The following SAMD5 variants were observed in gnomAD, a reference collection of about 807,000 sequenced individuals.
SAMD5 encodes the protein sterile alpha motif domain-containing protein 5.
In SAMD5, 13 loss-of-function variants were observed where a neutral mutation model predicts 11.3. That is an observed-to-expected ratio of 1.15 (90% CI 0.75 to 1.83). The LOEUF (loss-of-function observed/expected upper bound fraction) is 1.83, where lower values mean the gene tolerates loss of function less well. Among genes scored for constraint, SAMD5 ranks in the 40% most tolerant of loss-of-function variants. The probability of loss-of-function intolerance (pLI) is 0.00; values close to 1 mark genes in which losing one functional copy is unlikely to be tolerated. For synonymous variants in SAMD5, 129 were observed against 111.3 expected (o/e 1.16, Z -1.00); for missense variants, 255 against 239.1 (o/e 1.07, Z -0.44).
At chr6:147,514,502 T>C (rs1180487885) in intron 1 of SAMD5, among the ~76,000 whole-genome samples, 2 of 151,526 alleles carry the variant, frequency 1.3e-5, no homozygotes, top group South Asian at 4.2e-4. Context: ...AGTATGCACA[T>C]TAAGAAGGTA....
chr6:147,730,212 A>AAG, intron 1 of SAMD5: 1 of 390,456 alleles, frequency 2.6e-6, no homozygotes, highest in Non-Finnish European at 5.0e-6. Context: ...CTCTTGTTGA[A>AAG]ATTGGAAGAC....
chr6:147,775,886 C>T, the SAMD5 span, among the ~76,000 whole-genome samples: 6 of 152,046 alleles, frequency 3.9e-5, no homozygotes, highest in African/African-American at 1.2e-4. Context: ...AAAGGGATGG[C>T]GATAATGATA....
intron 1 of SAMD5, among the ~76,000 whole-genome samples, chr6:147,517,276 C>A (rs1433237746): frequency 6.6e-6 from 1 of 152,168 alleles, no homozygotes; most frequent in Non-Finnish European, 1.5e-5. Flanking sequence ...TGCTGGCCTT[C>A]CAGTTGAAAG....
Position 147,566,686 on chromosome 6 carries a change from A to C in SAMD5, c.*2230A>C, listed in dbSNP as rs1161589959. 1 of 984,570 alleles carries C rather than the reference A, an allele frequency of 1.0e-6. No individual in the cohort carries two copies. The highest frequency in any genetic ancestry group is 1.7e-5 in the African/African-American group (1 of 57,208). The allele number at this position is 984,570 out of a possible 1,614,324, so 61.0% of individuals were successfully genotyped here. Reference sequence around the variant, plus strand: ...ATTTGAAAATAACAATGCTCTGCTTAAAGTAAGAGTCACAGTCAGCAAAAA... The same window carrying C: ...ATTTGAAAATAACAATGCTCTGCTTCAAGTAAGAGTCACAGTCAGCAAAAA... On this transcript the variant is annotated 3_prime_UTR_variant, in exon 2 of 2. Transcript: ENST00000367474.
chr6:147,793,010 T>G, the SAMD5 span, among the ~76,000 whole-genome samples: 13 of 152,272 alleles, frequency 8.5e-5, no homozygotes, highest in African/African-American at 3.1e-4. Context: ...ACCCTCAAAA[T>G]AGAGCATATA....
chr6:147,712,768 A>T (rs1028467556), intron 1 of SAMD5, among the ~76,000 whole-genome samples: 5 of 151,810 alleles, frequency 3.3e-5, no homozygotes, highest in Admixed American at 3.3e-4. Flanking sequence ...CTTACCAGAC[A>T]CCAAATCTGC....
intron 1 of SAMD5, among the ~76,000 whole-genome samples, chr6:147,728,577 C>T (rs772155752): frequency 3.3e-4 from 50 of 152,100 alleles, no homozygotes; most frequent in Non-Finnish European, 6.3e-4. Context: ...AACATAGAAC[C>T]GCGGGCTGAG....
At chr6:147,667,203 C>T (rs558495597) in intron 1 of SAMD5, among the ~76,000 whole-genome samples, 10 of 152,162 alleles carry the variant, frequency 6.6e-5, no homozygotes, top group Non-Finnish European at 1.2e-4. Context: ...TGTTATTCAT[C>T]TCTTGTTTTC....
At chr6:147,697,969 G>A (rs929884048) in intron 1 of SAMD5, among the ~76,000 whole-genome samples, 1 of 152,156 alleles carries the variant, frequency 6.6e-6, no homozygotes, top group African/African-American at 2.4e-5. Context: ...GAGTCCTGGG[G>A]TGGGAGATGG....
intron 1 of SAMD5, among the ~76,000 whole-genome samples, chr6:147,735,689 T>G (rs570709514): frequency 6.6e-6 from 1 of 152,302 alleles, no homozygotes; most frequent in South Asian, 2.1e-4. Context: ...TTCTTTTCCA[T>G]TCAAGGAGGG....
the SAMD5 span, among the ~76,000 whole-genome samples, chr6:147,846,278 G>A: frequency 2.6e-5 from 4 of 152,198 alleles, no homozygotes; most frequent in South Asian, 2.1e-4. Context: ...AACTGAAGGA[G>A]TGGTGCTGTG....
chr6:147,587,761 G>A (rs1412701856), intron 1 of SAMD5, among the ~76,000 whole-genome samples: 1 of 151,882 alleles, frequency 6.6e-6, no homozygotes, highest in Non-Finnish European at 1.5e-5. Flanking sequence ...TCGTCTTCTG[G>A]GCTCTCCCTT....
At chr6:147,610,214 A>G (rs1789762195) in intron 1 of SAMD5, among the ~76,000 whole-genome samples, 1 of 152,212 alleles carries the variant, frequency 6.6e-6, no homozygotes, top group Non-Finnish European at 1.5e-5. Context: ...TGATAAACAC[A>G]CAGCAAAAGG....
At chr6:147,897,600 C>G in the SAMD5 span, among the ~76,000 whole-genome samples, 2 of 152,260 alleles carry the variant, frequency 1.3e-5, no homozygotes, top group Admixed American at 6.5e-5. Context: ...CAAATCACCT[C>G]ATTCCTGGGG....
chr6:147,848,503 G>C, the SAMD5 span, among the ~76,000 whole-genome samples: 2 of 152,130 alleles, frequency 1.3e-5, no homozygotes, highest in Non-Finnish European at 2.9e-5. Flanking sequence ...AGGTGCTCTT[G>C]TTTTCAATAT....
intron 1 of SAMD5, among the ~76,000 whole-genome samples, chr6:147,579,368 G>C (rs9485200): frequency 0.34 from 52,157 of 151,692 alleles, 9,080 homozygotes; most frequent in Non-Finnish European, 0.36. Flanking sequence ...TGGAAGAAAA[G>C]TGATTGGCCA....
At chr6:147,861,214 G>C in the SAMD5 span, among the ~76,000 whole-genome samples, 40 of 151,818 alleles carry the variant, frequency 2.6e-4, no homozygotes, top group East Asian at 6.4e-3. Flanking sequence ...ACTCAGGCTG[G>C]AGTGCAATGG....
chr6:147,757,863 A>C, the SAMD5 span, among the ~76,000 whole-genome samples: 1 of 152,196 alleles, frequency 6.6e-6, no homozygotes, highest in South Asian at 2.1e-4. Context: ...TCTACCTAAG[A>C]GAGTGACTTC....
intron 1 of SAMD5, among the ~76,000 whole-genome samples, chr6:147,700,172 A>G (rs902457660): frequency 1.3e-5 from 2 of 151,922 alleles, no homozygotes; most frequent in African/African-American, 2.4e-5. Context: ...GTATTATTAA[A>G]CTCGTAAGAT....
Sources: gnomAD v4.1 joint callset for allele counts (sites outside exome capture counted in the v4.1 genomes callset) on GRCh38, gnomAD v4.1.1 for gene constraint, MANE v1.5 for transcripts, NCBI Gene and HGNC (gene_info 2026-07-23, HGNC 2026-07-21) for gene names.